Variants in ZC3H14 observed in about 807,000 individuals in gnomAD.
ZC3H14 encodes the protein zinc finger CCCH domain-containing protein 14.
ZC3H14 carries 31 observed loss-of-function variants against 92.4 expected under a neutral mutation model. The ratio of observed to expected loss-of-function variants is 0.34; its 90% confidence interval spans 0.25 to 0.45. The LOEUF is 0.45. ZC3H14 is among the 20% of genes least tolerant of loss of function. ZC3H14 has a pLI of 1.00. For synonymous variants in ZC3H14, 321 were observed against 300.9 expected (o/e 1.07, Z -0.69); for missense variants, 781 against 897.3 (o/e 0.87, Z 1.66).
intron 1 of ZC3H14, 141 bp downstream of exon 1, chr14:88,563,310 G>T: frequency 1.3e-6 from 2 of 1,521,316 alleles, no homozygotes; most frequent in Non-Finnish European, 1.8e-6. Context: ...GCTCCTCCTC[G>T]TCCAGGCCGC....
chr14:88,600,524 C>G (rs2084471396), intron 10 of ZC3H14, among the ~76,000 whole-genome samples: 2 of 152,006 alleles, frequency 1.3e-5, no homozygotes, highest in African/African-American at 4.8e-5. Context: ...TCATTGCAGC[C>G]TTGACCTCCT....
Position 88,594,898 on chromosome 14 carries a change from G to A in ZC3H14, c.1280-1836G>A, listed in dbSNP as rs771317773. 2.5e-6 allele frequency: 4 copies of A among 1,613,872 alleles called. No homozygotes were observed. The Admixed American group carries it at 5.0e-5, about 20-fold the overall frequency. ...TATCAATGAAATTAAAGGAATGAAA[G>A]CAGCTATTTTGACAGTGGAAGCAAA... is the stretch of plus-strand genomic sequence containing the variant. On this transcript the variant is annotated intron_variant, in intron 9 of 16. Transcript: ENST00000251038.
At chr14:88,570,514 A>G (rs2080250459) in intron 3 of ZC3H14, among the ~76,000 whole-genome samples, 1 of 152,226 alleles carries the variant, frequency 6.6e-6, no homozygotes, top group African/African-American at 2.4e-5. Flanking sequence ...CCAAGACACC[A>G]TCTAGTTTAA....
chr14:88,611,711 A>C (rs1566992188), intron 16 of ZC3H14, 34 bp from the exon 17 acceptor site: 3 of 1,613,856 alleles, frequency 1.9e-6, no homozygotes, highest in Admixed American at 3.3e-5. Context: ...TACAAAGCAG[A>C]TAATTAAAAC....
intron 2 of ZC3H14, among the ~76,000 whole-genome samples, chr14:88,565,954 G>A (rs9743523): frequency 0.029 from 3,907 of 135,740 alleles, 79 homozygotes; most frequent in South Asian, 0.082. Flanking sequence ...TGCAACCTCC[G>A]CCTCCCAGGT....
intron 8 of ZC3H14, among the ~76,000 whole-genome samples, chr14:88,576,857 C>G (rs148456863): frequency 6.6e-6 from 1 of 152,130 alleles, no homozygotes; most frequent in Non-Finnish European, 1.5e-5. Context: ...GTGGTGTGAT[C>G]TTGGCTTACT....
chr14:88,591,787 A>G (rs1029624391), intron 9 of ZC3H14: 1 of 152,220 alleles, frequency 6.6e-6, no homozygotes, highest in Non-Finnish European at 1.5e-5. Flanking sequence ...ACACATGTAC[A>G]TATAAAGCAG....
chr14:88,601,977 A>T lies in ZC3H14; in HGVS notation c.1408A>T (p.Lys470Ter). ...TGCAGACACAAGATCATTTATTCTG[A>T]AGAAGCCAAAGCTGTCTGAGGAAGT... ...VHADTRSFILKKPKLSEEVVV... is the reference protein window; with the variant it reads ...VHADTRSFIL Residue 470 changes from lysine to a stop codon, truncating the protein, a stop_gained, in exon 11 of 17, where the codon AAG (lysine) becomes TAG (stop). Coordinates refer to ENST00000251038, the MANE Select transcript of ZC3H14 (RefSeq NM_024824.5). LOFTEE classifies it high-confidence loss of function. The T allele has an allele frequency of 1.2e-6, 2 of 1,614,186 alleles. No homozygotes were observed. Among genetic ancestry groups the T allele is most frequent in the Non-Finnish European group, 1.7e-6 (2 of 1,180,026 alleles).
At chr14:88,568,930 G>T (rs1228326292) in intron 3 of ZC3H14, among the ~76,000 whole-genome samples, 8 of 152,030 alleles carry the variant, frequency 5.3e-5, no homozygotes, top group Non-Finnish European at 7.4e-5. Flanking sequence ...TCACCAGGCT[G>T]GAGCACAGTG....
At chr14:88,569,885 G>T (rs1052838930) in intron 3 of ZC3H14, among the ~76,000 whole-genome samples, 2 of 152,166 alleles carry the variant, frequency 1.3e-5, no homozygotes, top group African/African-American at 2.4e-5. Flanking sequence ...ATACACTGCT[G>T]CCTCACTGTG....
At chr14:88,588,405 T>C (rs1291461990) in intron 9 of ZC3H14, among the ~76,000 whole-genome samples, 2 of 152,254 alleles carry the variant, frequency 1.3e-5, no homozygotes, top group Non-Finnish European at 2.9e-5. Context: ...TGTACTTGTT[T>C]GATACTTTGA....
Position 88,615,834 on chromosome 14 carries a change from A to C in ZC3H14, c.*4083A>C. On this transcript the variant is annotated 3_prime_UTR_variant, in exon 17 of 17. Coordinates refer to ENST00000251038, the MANE Select transcript of ZC3H14 (RefSeq NM_024824.5). ...CAGCATCTCTCAGTGAGGTGTATGTACACATTTCCAGACAAATAAGCTGCA... is the reference window on the plus strand; with the variant it reads ...CAGCATCTCTCAGTGAGGTGTATGTCCACATTTCCAGACAAATAAGCTGCA... 6.2e-7 allele frequency: 1 copy of C among 1,612,010 alleles called. No individual in the cohort carries two copies. Among genetic ancestry groups the C allele is most frequent in the Non-Finnish European group, 8.5e-7 (1 of 1,179,084 alleles).
At chr14:88,579,190 C>T (rs1011475055) in intron 9 of ZC3H14, among the ~76,000 whole-genome samples, 8 of 152,102 alleles carry the variant, frequency 5.3e-5, no homozygotes, top group African/African-American at 4.8e-5. Flanking sequence ...TTCCAGGTTT[C>T]ATGAAACCTT....
At chr14:88,610,442 A>G (rs1182481365) in intron 15 of ZC3H14, among the ~76,000 whole-genome samples, 1 of 151,276 alleles carries the variant, frequency 6.6e-6, no homozygotes, top group African/African-American at 2.4e-5. Flanking sequence ...CACTAGTATT[A>G]AAATGGTCCT....
chr14:88,590,716 G>A (rs2083025714), intron 9 of ZC3H14: 1 of 152,192 alleles, frequency 6.6e-6, no homozygotes, highest in African/African-American at 2.4e-5. Context: ...TGGGGGTCTT[G>A]AGAGCTACCT....
Position 88,572,164 on chromosome 14 carries a change from C to A in ZC3H14, c.370C>A (p.Pro124Thr), listed in dbSNP as rs753730424. Residue 124 changes from proline to threonine, a missense_variant, in exon 5 of 17, where the codon CCT becomes ACT. Transcript: ENST00000251038. ...ACCACTTGCCATTCCTAGCGCGAGA[C>A]CTGAAAAAAGAGATTCCAGAGTTTC... ...VPPLAIPSAR[P>T]EKRDSRVSTS... is the part of the protein sequence containing the mutation. The A allele has an allele frequency of 6.2e-7, 1 of 1,613,914 alleles. No homozygotes were observed. Among genetic ancestry groups the A allele is most frequent in the South Asian group, 1.1e-5 (1 of 91,048 alleles).
intron 12 of ZC3H14, among the ~76,000 whole-genome samples, chr14:88,606,640 G>A (rs537350723): frequency 2.0e-5 from 3 of 151,802 alleles, no homozygotes; most frequent in African/African-American, 7.3e-5. Flanking sequence ...TAGGGGCTGA[G>A]GTGGGAGTAT....
At position 88,627,270 on chromosome 14, in the gene ZC3H14, T is replaced by C; in HGVS notation, c.*15519T>C. Reference sequence around the variant, plus strand: ...CTTTTCTTTATATAACGTAAATGTTTTGTCTAAAGTGTGGTAGGTAATATT... The same window carrying C: ...CTTTTCTTTATATAACGTAAATGTTCTGTCTAAAGTGTGGTAGGTAATATT... On this transcript the variant is annotated 3_prime_UTR_variant, in exon 17 of 17. Transcript: ENST00000251038. The C allele has an allele frequency of 1.8e-6, 1 of 563,166 alleles. No homozygotes were observed. Among genetic ancestry groups the C allele is most frequent in the East Asian group, 2.9e-5 (1 of 33,936 alleles). 34.9% of individuals were successfully genotyped at this position (563,166 alleles called of 1,614,324 possible).
intron 3 of ZC3H14, 48 bp from the exon 4 acceptor site, chr14:88,571,036 A>G: frequency 1.4e-6 from 2 of 1,438,168 alleles, no homozygotes; most frequent in Non-Finnish European, 1.9e-6. Context: ...TTGAAATGAA[A>G]TCTTTCTTAA....
Sources: gnomAD v4.1 joint callset for allele counts (sites outside exome capture counted in the v4.1 genomes callset) on GRCh38, gnomAD v4.1.1 for gene constraint, MANE v1.5 for transcripts, NCBI Gene and HGNC (gene_info 2026-07-23, HGNC 2026-07-21) for gene names.